Variants in DOCK4 observed in about 807,000 individuals in gnomAD.
DOCK4 encodes the protein dedicator of cytokinesis 4.
A neutral mutation model predicts 268.1 loss-of-function variants in DOCK4; 97 were observed. The observed-to-expected ratio is 0.36, with a 90% confidence interval of 0.31 to 0.43. DOCK4 has a LOEUF of 0.43. Ranked by LOEUF, DOCK4 falls within the 20% of genes least tolerant of loss-of-function variation. The probability of loss-of-function intolerance (pLI) is 1.00; values close to 1 mark genes in which losing one functional copy is unlikely to be tolerated. For synonymous variants in DOCK4, 954 were observed against 887.2 expected, an observed-to-expected ratio of 1.08 and a Z score of -1.34; for missense variants, 2,145 against 2,455.7, an observed-to-expected ratio of 0.87 and a Z score of 2.67.
At chr7:112,018,675 A>G (rs1003214961) in intron 1 of DOCK4, among the ~76,000 whole-genome samples, 29 of 151,954 alleles carry the variant, frequency 1.9e-4, no homozygotes, top group African/African-American at 6.5e-4. Flanking sequence ...TGAAAAAAAT[A>G]CTCCCTACAT....
At chr7:112,015,951 G>A (rs1801773152) in intron 1 of DOCK4, among the ~76,000 whole-genome samples, 2 of 152,188 alleles carry the variant, frequency 1.3e-5, no homozygotes, top group Admixed American at 1.3e-4. Flanking sequence ...CAAGGGAGGA[G>A]TCCCCATGGT....
At chr7:112,065,691 C>T (rs1806862222) in intron 1 of DOCK4, among the ~76,000 whole-genome samples, 1 of 151,790 alleles carries the variant, frequency 6.6e-6, no homozygotes, top group Non-Finnish European at 1.5e-5. Flanking sequence ...TTCTCATGCA[C>T]AGCTAGATTT....
At chr7:111,921,126 T>A (rs920362536) in intron 12 of DOCK4, among the ~76,000 whole-genome samples, 1 of 152,180 alleles carries the variant, frequency 6.6e-6, no homozygotes, top group African/African-American at 2.4e-5. Context: ...AAATGTTCCC[T>A]TTCTTGGAAG....
chr7:112,106,000 A>T (rs1471343105), intron 1 of DOCK4, among the ~76,000 whole-genome samples: 1 of 152,116 alleles, frequency 6.6e-6, no homozygotes, highest in Non-Finnish European at 1.5e-5. Flanking sequence ...CAGAGCCTTT[A>T]TCTTCTATCA....
chr7:111,811,432 T>C (rs554391919), intron 28 of DOCK4, among the ~76,000 whole-genome samples: 86 of 152,300 alleles, frequency 5.6e-4, no homozygotes, highest in African/African-American at 1.9e-3. Flanking sequence ...CATTATATCA[T>C]AGATATACAG....
chr7:112,109,341 T>C (rs1811418179), intron 1 of DOCK4, among the ~76,000 whole-genome samples: 1 of 152,120 alleles, frequency 6.6e-6, no homozygotes, highest in Admixed American at 6.5e-5. Context: ...TCTAGTTAGG[T>C]TTCCAGAGGA....
chr7:111,734,970 TTCTC>T (rs539277808), intron 51 of DOCK4, 80 bp downstream of exon 51: 109 of 1,104,884 alleles, frequency 9.9e-5, no homozygotes, highest in Non-Finnish European at 1.4e-4. Context: ...ACGCCTACCT[TTCTC>T]TCAGGAATTC....
intron 52 of DOCK4, among the ~76,000 whole-genome samples, chr7:111,731,298 C>T (rs574353681): frequency 3.9e-4 from 59 of 152,328 alleles, no homozygotes; most frequent in Non-Finnish European, 6.6e-4. Flanking sequence ...CTATCAGCAA[C>T]TATCGTTAGC....
intron 1 of DOCK4, among the ~76,000 whole-genome samples, chr7:112,145,897 C>A (rs923544115): frequency 6.6e-6 from 1 of 152,056 alleles, no homozygotes; most frequent in Admixed American, 6.6e-5. Flanking sequence ...TTATAACAAT[C>A]TATTATTCAA....
At chr7:111,740,032 T>C in intron 47 of DOCK4, 1 of 360,356 alleles carries the variant, frequency 2.8e-6, no homozygotes, top group South Asian at 1.9e-5. Context: ...ATAAAAAAAA[T>C]ACCTTTGGAA....
intron 17 of DOCK4, among the ~76,000 whole-genome samples, chr7:111,874,239 T>C (rs530197432): frequency 4.6e-5 from 7 of 152,110 alleles, no homozygotes; most frequent in Admixed American, 1.3e-4. Flanking sequence ...ACTCCTCCTT[T>C]GTGTTCTCTT....
chr7:112,046,055 T>C (rs73434612), intron 1 of DOCK4, among the ~76,000 whole-genome samples: 8,753 of 152,198 alleles, frequency 0.058, 801 homozygotes, highest in African/African-American at 0.2. Context: ...CAATACCCTA[T>C]CCCTTAAATA....
chr7:111,846,491 C>T (rs1163186267), intron 24 of DOCK4, among the ~76,000 whole-genome samples: 1 of 150,416 alleles, frequency 6.6e-6, no homozygotes. Context: ...TCCCCAAATC[C>T]ATAACAATTT....
intron 1 of DOCK4, among the ~76,000 whole-genome samples, chr7:112,080,956 T>G (rs141003318): frequency 5.9e-4 from 90 of 152,282 alleles, no homozygotes; most frequent in African/African-American, 2.0e-3. Context: ...ACTTAAATAA[T>G]TGTTCCATCT....
chr7:112,121,913 G>A (rs1812765487), intron 1 of DOCK4, among the ~76,000 whole-genome samples: 1 of 152,066 alleles, frequency 6.6e-6, no homozygotes, highest in African/African-American at 2.4e-5. Flanking sequence ...GAATTACAGA[G>A]TATATAGTAT....
intron 2 of DOCK4, among the ~76,000 whole-genome samples, chr7:112,002,333 C>G (rs1220672805): frequency 6.6e-6 from 1 of 152,112 alleles, no homozygotes; most frequent in Admixed American, 6.5e-5. Context: ...GCAAAAATGT[C>G]ATAGAGAGGT....
chr7:111,937,326 G>A (rs564639182), intron 11 of DOCK4, among the ~76,000 whole-genome samples: 1 of 152,152 alleles, frequency 6.6e-6, no homozygotes, highest in African/African-American at 2.4e-5. Context: ...TGTTTTGACT[G>A]GTTAGTATTA....
chr7:112,006,964 A>C (rs538871245), intron 1 of DOCK4, among the ~76,000 whole-genome samples: 24 of 152,270 alleles, frequency 1.6e-4, no homozygotes, highest in African/African-American at 5.1e-4. Context: ...TTTCTTGCAG[A>C]CCTCAGTGCT....
chr7:111,897,394 T>C (rs1268173887), intron 15 of DOCK4, among the ~76,000 whole-genome samples: 1 of 152,094 alleles, frequency 6.6e-6, no homozygotes, highest in Non-Finnish European at 1.5e-5. Flanking sequence ...CTCCTTCTCA[T>C]CCTCCCAGCT....
Sources: gnomAD v4.1 joint callset for allele counts (sites outside exome capture counted in the v4.1 genomes callset) on GRCh38, gnomAD v4.1.1 for gene constraint, MANE v1.5 for transcripts, NCBI Gene and HGNC (gene_info 2026-07-23, HGNC 2026-07-21) for gene names.